NIBAN1: variants seen among roughly 807,000 people sequenced by gnomAD.
The protein encoded by NIBAN1 is protein Niban 1.
Under a neutral mutation model 75.1 loss-of-function variants are expected in NIBAN1, and 81 were observed. The ratio of observed to expected loss-of-function variants is 1.08; its 90% CI spans 0.90 to 1.30. NIBAN1 has a LOEUF of 1.30. Among genes scored for constraint, NIBAN1 ranks in the 50% most tolerant of loss-of-function variants. NIBAN1 has a pLI of 0.00. For missense variants in NIBAN1, 1,133 were observed against 1,128.1 expected, an observed-to-expected ratio of 1.00 and a Z score of -0.06; for synonymous variants, 436 against 424.8, an observed-to-expected ratio of 1.03 and a Z score of -0.32.
In NIBAN1 at chr1:184,884,811, A is replaced by G. The variant is rs767742036; in HGVS notation, c.434-11T>C. 6.2e-7 allele frequency: 1 copy of G among 1,612,596 alleles called. No individual in the cohort carries two copies. Among genetic ancestry groups the G allele is most frequent in the Non-Finnish European group, 8.5e-7 (1 of 1,179,316 alleles). On this transcript the variant is annotated splice_polypyrimidine_tract_variant and intron_variant, in intron 4 of 13. Transcript: ENST00000367511. ...CCTTCTCACTGGAGGCTAAAGAAAT[A>G]TTGAAAACACAAATACCTTTTAAAA...
Position 184,855,064 on chromosome 1 carries a change from T to C in NIBAN1, c.602-23102A>G, listed in dbSNP as rs142236752. Among the ~76,000 whole-genome samples, 124 of 152,328 alleles carry C rather than the reference T, an allele frequency of 8.1e-4. 2 individuals are homozygous for C. In the East Asian group the frequency reaches 0.021, roughly 26 times the overall value. On this transcript the variant is annotated intron_variant, in intron 5 of 13. Coordinates refer to ENST00000367511, the MANE Select transcript of NIBAN1 (RefSeq NM_052966.4). ...CCTCTTGGGCATTCATAGATCCTAA[T>C]TGCATTTTGTGATTGTGGAAGGCAT...
At chr1:184,912,269 C>G (rs924604438) in intron 1 of NIBAN1, among the ~76,000 whole-genome samples, 4 of 152,094 alleles carry the variant, frequency 2.6e-5, no homozygotes, top group Non-Finnish European at 5.9e-5. Flanking sequence ...TGATGGACCT[C>G]TCACATATTT....
intron 5 of NIBAN1, among the ~76,000 whole-genome samples, chr1:184,882,802 A>G (rs939214292): frequency 6.6e-6 from 1 of 152,204 alleles, no homozygotes; most frequent in African/African-American, 2.4e-5. Flanking sequence ...GCATGTTCCT[A>G]CTAGACCGAG....
At chr1:184,801,228 G>A (rs1051013411) in intron 12 of NIBAN1, among the ~76,000 whole-genome samples, 2 of 152,092 alleles carry the variant, frequency 1.3e-5, no homozygotes, top group South Asian at 2.1e-4. Flanking sequence ...CTCAGTGCTG[G>A]GACTTTGGGG....
Position 184,806,260 on chromosome 1 carries a change from G to A in NIBAN1, c.1336-204C>T, listed in dbSNP as rs531977211. ...CACGTGGTCACAGTGGGAGCAGGAA[G>A]AAGTTGGAAAACCCAAGGCCATGGG... On this transcript the variant is annotated intron_variant, in intron 10 of 13. Coordinates refer to ENST00000367511, the MANE Select transcript of NIBAN1 (RefSeq NM_052966.4). Among the ~76,000 whole-genome samples, 10 of 152,340 alleles carry A rather than the reference G, an allele frequency of 6.6e-5. No homozygotes were observed. The South Asian group carries it at 1.7e-3, about 25-fold the overall frequency.
intron 1 of NIBAN1, among the ~76,000 whole-genome samples, chr1:184,903,450 TG>T (rs1657005409): frequency 6.6e-6 from 1 of 152,126 alleles, no homozygotes; most frequent in South Asian, 2.1e-4. Flanking sequence ...TGTGGCCTGG[TG>T]GGAGGTGTTT....
At chr1:184,956,448 C>T (rs1181837687) in intron 1 of NIBAN1, among the ~76,000 whole-genome samples, 2 of 152,148 alleles carry the variant, frequency 1.3e-5, no homozygotes, top group Non-Finnish European at 2.9e-5. Flanking sequence ...ACTTCTCCAA[C>T]CCTGAATGTA....
At position 184,941,469 on chromosome 1, in the gene NIBAN1, G is replaced by A. The variant is rs147215730; in HGVS notation, c.55+32833C>T. Among the ~76,000 whole-genome samples, 1,239 of 152,018 alleles carry A rather than the reference G, an allele frequency of 8.2e-3. 20 individuals carry two copies. The highest frequency in any genetic ancestry group is 7.3e-3 in the Non-Finnish European group (493 of 67,954). ...ATTTGAGACCAGCCTGAGCAACATGGAAAAACCCTGTCTCTACAAAAAATA... is the reference window on the plus strand; with the variant it reads ...ATTTGAGACCAGCCTGAGCAACATGAAAAAACCCTGTCTCTACAAAAAATA... On this transcript the variant is annotated intron_variant, in intron 1 of 13. Transcript: ENST00000367511.
At chr1:184,947,471 G>T (rs367657123) in intron 1 of NIBAN1, among the ~76,000 whole-genome samples, 4 of 152,178 alleles carry the variant, frequency 2.6e-5, no homozygotes, top group African/African-American at 9.7e-5. Flanking sequence ...TAGTGGTGAC[G>T]GTTATACAAT....
At chr1:184,798,272 C>T (rs1308352059) in intron 12 of NIBAN1, 82 bp from the exon 13 acceptor site, 2 of 803,008 alleles carry the variant, frequency 2.5e-6, no homozygotes, top group East Asian at 2.7e-5. Flanking sequence ...GGACGATTCC[C>T]ACTCATGATT....
chr1:184,874,055 T>A (rs916681999), intron 5 of NIBAN1, among the ~76,000 whole-genome samples: 2 of 152,112 alleles, frequency 1.3e-5, no homozygotes, highest in Admixed American at 6.6e-5. Context: ...CTATATTTTT[T>A]GAGAGAAACT....
At chr1:184,972,064 C>A (rs35401135) in intron 1 of NIBAN1, among the ~76,000 whole-genome samples, 3,426 of 152,256 alleles carry the variant, frequency 0.023, 63 homozygotes, top group Non-Finnish European at 0.034. Context: ...TAGCATACAG[C>A]GGTTTATGAT....
chr1:184,817,537 G>A lies in NIBAN1; in HGVS notation c.1173+1101C>T, dbSNP rs654913. Among the ~76,000 whole-genome samples the A allele has an allele frequency of 2.0e-5, 3 of 152,220 alleles. No homozygotes were observed. In the East Asian group the frequency reaches 5.8e-4, roughly 29 times the overall value. On this transcript the variant is annotated intron_variant, in intron 9 of 13. Coordinates refer to ENST00000367511, the MANE Select transcript of NIBAN1 (RefSeq NM_052966.4). ...CTTCACATCCTCTCCAGCATCTGTT[G>A]TTTCTTGACTTTTTAATGATTGCCA...
chr1:184,889,969 A>G, intron 4 of NIBAN1, 139 bp downstream of exon 4: 1 of 670,148 alleles, frequency 1.5e-6, no homozygotes, highest in Non-Finnish European at 2.6e-6. Flanking sequence ...CCCGATTCCA[A>G]TTGTGACAAA....
chr1:184,971,222 T>C lies in NIBAN1; in HGVS notation c.55+3080A>G, dbSNP rs376178291. ...CACCTGAGCCAGGGGAGGTCAAGGC[T>C]CACAGTGATTGTACCACTGCACTCA... On this transcript the variant is annotated intron_variant, in intron 1 of 13. Transcript: ENST00000367511. Among the ~76,000 whole-genome samples, 24 of 151,828 alleles carry C rather than the reference T, an allele frequency of 1.6e-4. 1 individual carries two copies. Among genetic ancestry groups the C allele is most frequent in the African/African-American group, 5.6e-4 (23 of 41,388 alleles).
At chr1:184,895,626 G>A (rs1036504614) in intron 2 of NIBAN1, among the ~76,000 whole-genome samples, 3 of 151,924 alleles carry the variant, frequency 2.0e-5, no homozygotes, top group Non-Finnish European at 4.4e-5. Context: ...TACGTGTAAC[G>A]GTGGGGACTG....
chr1:184,794,123 G>T lies in NIBAN1; in HGVS notation c.*854C>A, dbSNP rs540871225. The T allele has an allele frequency of 2.0e-5, 3 of 151,982 alleles. No homozygotes were observed. The East Asian group carries it at 5.8e-4, about 29-fold the overall frequency. The allele number at this position is 151,982 out of a possible 1,614,324, so 9.4% of individuals were successfully genotyped here. ...TATCTTTTCTTTTTTTTATTACTAA[G>T]CCCAACACAGTGCGTGGCATGCAGT... On this transcript the variant is annotated 3_prime_UTR_variant, in exon 14 of 14. Coordinates refer to ENST00000367511, the MANE Select transcript of NIBAN1 (RefSeq NM_052966.4).
chr1:184,956,148 C>T (rs185066376), intron 1 of NIBAN1, among the ~76,000 whole-genome samples: 1 of 152,230 alleles, frequency 6.6e-6, no homozygotes, highest in African/African-American at 2.4e-5. Flanking sequence ...CCTACCTCAG[C>T]CTCCTTAGCA....
intron 1 of NIBAN1, among the ~76,000 whole-genome samples, chr1:184,963,026 C>A (rs931189150): frequency 6.6e-6 from 1 of 151,552 alleles, no homozygotes; most frequent in African/African-American, 2.4e-5. Context: ...AATTTTTTTT[C>A]ATTTTGTATG....
Sources: gnomAD v4.1 joint callset for allele counts (sites outside exome capture counted in the v4.1 genomes callset) on GRCh38, gnomAD v4.1.1 for gene constraint, MANE v1.5 for transcripts, NCBI Gene and HGNC (gene_info 2026-07-23, HGNC 2026-07-21) for gene names.